Variants in DACH1 observed in about 807,000 individuals in gnomAD.
DACH1 encodes dachshund family transcription factor 1.
In DACH1, 12 loss-of-function variants were observed where a neutral mutation model predicts 54.2. The observed-to-expected ratio is 0.22, with a 90% CI of 0.14 to 0.36. DACH1 has a LOEUF of 0.36. DACH1 is among the 10% of genes least tolerant of loss of function. The pLI, the probability that DACH1 is intolerant of heterozygous loss-of-function variation, is 1.00. For missense variants in DACH1, 805 were observed against 929.8 expected, an observed-to-expected ratio of 0.87 and a Z score of 1.75; for synonymous variants, 386 against 366.2, an observed-to-expected ratio of 1.05 and a Z score of -0.62.
At chr13:71,556,415 T>C (rs927084512) in intron 6 of DACH1, among the ~76,000 whole-genome samples, 1 of 152,126 alleles carries the variant, frequency 6.6e-6, no homozygotes, top group Non-Finnish European at 1.5e-5. Context: ...AAATTTCTAA[T>C]ATGCTGACTA....
intron 1 of DACH1, among the ~76,000 whole-genome samples, chr13:71,734,973 C>G (rs576418224): frequency 1.9e-4 from 18 of 93,648 alleles, no homozygotes; most frequent in African/African-American, 4.5e-4. Context: ...TATATATACA[C>G]ACACAGGATA....
At chr13:71,857,210 T>C (rs1594308591) in intron 1 of DACH1, among the ~76,000 whole-genome samples, 1 of 151,898 alleles carries the variant, frequency 6.6e-6, no homozygotes, top group Non-Finnish European at 1.5e-5. Context: ...AAAATTAAGC[T>C]GTTTTTAATC....
intron 2 of DACH1, among the ~76,000 whole-genome samples, chr13:71,673,971 T>C (rs965339884): frequency 1.1e-4 from 17 of 152,220 alleles, no homozygotes; most frequent in African/African-American, 4.1e-4. Context: ...GGAGCCTAAC[T>C]GTGCTTAATG....
rs537163675 is a variant in DACH1 at position 71,597,139 on chromosome 13, T to G, written c.1127-24127A>C. Among the ~76,000 whole-genome samples, 4 of 152,310 alleles carry G rather than the reference T, an allele frequency of 2.6e-5. No homozygotes were observed. In the South Asian group the frequency reaches 8.3e-4, roughly 32 times the overall value. On this transcript the variant is annotated intron_variant, in intron 3 of 10. Coordinates refer to ENST00000613252, the MANE Select transcript of DACH1 (RefSeq NM_080759.6). The stretch of plus-strand genomic sequence containing the variant: ...ATAATAAGCTATGATTTTTGTGATG[T>G]AGCGTGAATTGAGGGTTTTTCTGAG...
intron 1 of DACH1, among the ~76,000 whole-genome samples, chr13:71,781,382 A>ATTTATTTG (rs1886368749): frequency 6.8e-6 from 1 of 148,022 alleles, no homozygotes; most frequent in East Asian, 2.0e-4. Flanking sequence ...TTATTTATTT[A>ATTTATTTG]TTTATTTATT....
chr13:71,574,869 A>G (rs1342129998), intron 3 of DACH1, among the ~76,000 whole-genome samples: 2 of 152,084 alleles, frequency 1.3e-5, no homozygotes, highest in Admixed American at 6.5e-5. Flanking sequence ...ACACTGTGAT[A>G]TAAAAGTTCT....
At chr13:71,454,935 A>C (rs528041596) in intron 10 of DACH1, among the ~76,000 whole-genome samples, 1 of 152,332 alleles carries the variant, frequency 6.6e-6, no homozygotes, top group East Asian at 1.9e-4. Flanking sequence ...TGTTCTGGTC[A>C]ATGTCACAGG....
intron 7 of DACH1, among the ~76,000 whole-genome samples, chr13:71,484,964 A>T (rs974807717): frequency 2.0e-5 from 3 of 152,056 alleles, no homozygotes; most frequent in Non-Finnish European, 2.9e-5. Context: ...CAGGAGGCTG[A>T]GGCAGGAGAA....
At chr13:71,623,359 C>T (rs1243564549) in intron 3 of DACH1, among the ~76,000 whole-genome samples, 2 of 151,460 alleles carry the variant, frequency 1.3e-5, no homozygotes, top group East Asian at 1.9e-4. Flanking sequence ...CTAATTTAAG[C>T]TATATTTTTT....
chr13:71,834,855 C>T (rs117750004), intron 1 of DACH1, among the ~76,000 whole-genome samples: 4 of 151,956 alleles, frequency 2.6e-5, no homozygotes, highest in Non-Finnish European at 5.9e-5. Context: ...GAATAGATAC[C>T]CACATATTTG....
chr13:71,759,628 T>C (rs1399810165), intron 1 of DACH1, among the ~76,000 whole-genome samples: 1 of 152,186 alleles, frequency 6.6e-6, no homozygotes, highest in Non-Finnish European at 1.5e-5. Flanking sequence ...TCTTGAACTA[T>C]AGTTGTCAAA....
intron 7 of DACH1, among the ~76,000 whole-genome samples, chr13:71,487,996 C>A (rs556475151): frequency 2.0e-5 from 3 of 152,108 alleles, no homozygotes; most frequent in African/African-American, 7.2e-5. Context: ...GAATACAGTT[C>A]TGGAGACTCT....
chr13:71,455,088 GC>G (rs1299474306), intron 10 of DACH1, among the ~76,000 whole-genome samples: 2 of 152,180 alleles, frequency 1.3e-5, no homozygotes, highest in Non-Finnish European at 2.9e-5. Context: ...CTAGGAGCCT[GC>G]CTGCCTTTCA....
intron 1 of DACH1, among the ~76,000 whole-genome samples, chr13:71,818,668 C>T (rs73503503): frequency 0.016 from 2,459 of 152,288 alleles, 65 homozygotes; most frequent in African/African-American, 0.055. Flanking sequence ...AGGCATGGAT[C>T]GTAGCTAATA....
chr13:71,463,982 G>A (rs1168626050), intron 10 of DACH1, among the ~76,000 whole-genome samples: 1 of 151,976 alleles, frequency 6.6e-6, no homozygotes, highest in Non-Finnish European at 1.5e-5. Context: ...TTCTTTAGCA[G>A]ATAGATTTAG....
chr13:71,585,944 TAAG>T (rs1873225787), intron 3 of DACH1, among the ~76,000 whole-genome samples: 1 of 152,180 alleles, frequency 6.6e-6, no homozygotes, highest in Non-Finnish European at 1.5e-5. Flanking sequence ...TAGAGTTTTC[TAAG>T]AAGATGACTG....
At chr13:71,565,974 C>T (rs113281765) in intron 4 of DACH1, among the ~76,000 whole-genome samples, 99 of 152,118 alleles carry the variant, frequency 6.5e-4, no homozygotes, top group Non-Finnish European at 1.2e-3. Context: ...TGAATACTGG[C>T]GTCTTAATTA....
chr13:71,441,836 C>T (rs1382151765), intron 10 of DACH1, among the ~76,000 whole-genome samples: 1 of 151,848 alleles, frequency 6.6e-6, no homozygotes, highest in East Asian at 1.9e-4. Context: ...TATTGGTAAG[C>T]CCAAATTATA....
chr13:71,596,745 G>A (rs1301354950), intron 3 of DACH1, among the ~76,000 whole-genome samples: 1 of 152,102 alleles, frequency 6.6e-6, no homozygotes, highest in Admixed American at 6.6e-5. Context: ...GGTCTCCACA[G>A]AAAACAGAAC....
Sources: allele counts gnomAD v4.1 joint callset (sites outside exome capture counted in the v4.1 genomes callset), GRCh38; gene constraint gnomAD v4.1.1; transcripts MANE v1.5; gene names NCBI Gene and HGNC (gene_info 2026-07-23, HGNC 2026-07-21).